Variants in PLPPR1 observed in about 807,000 individuals in gnomAD.
PLPPR1 encodes the protein phospholipid phosphatase-related protein type 1.
In PLPPR1, 10 loss-of-function variants were observed where a neutral mutation model predicts 33.1. That is an observed-to-expected ratio of 0.30 (90% CI 0.19 to 0.51). The LOEUF is 0.51. PLPPR1 is among the 20% of genes least tolerant of loss of function. PLPPR1 has a pLI of 0.97. For missense variants in PLPPR1, 304 were observed against 408.1 expected (o/e 0.74, Z 2.20); for synonymous variants, 151 against 151.0 (o/e 1.00, Z 0.00).
At chr9:101,147,601 G>A (rs878877603) in intron 1 of PLPPR1, among the ~76,000 whole-genome samples, 1 of 152,086 alleles carries the variant, frequency 6.6e-6, no homozygotes, top group Non-Finnish European at 1.5e-5. Context: ...GGAAAGAGGG[G>A]GACATATGTG....
chr9:101,324,289 T>G lies in PLPPR1; in HGVS notation c.*232T>G, dbSNP rs1454655963. The G allele has an allele frequency of 2.3e-6, 1 of 426,146 alleles. No homozygotes were observed. The highest frequency in any genetic ancestry group is 4.2e-6 in the Non-Finnish European group (1 of 238,154). 26.4% of individuals were successfully genotyped at this position (426,146 alleles called of 1,614,324 possible). Reference sequence around the variant, plus strand: ...GCCAGAATTTTAAAACCAACAAAATTTTCTTGTTCAAGCGTGCATTGAAGA... The same window carrying G: ...GCCAGAATTTTAAAACCAACAAAATGTTCTTGTTCAAGCGTGCATTGAAGA... On this transcript the variant is annotated 3_prime_UTR_variant, in exon 8 of 8. Coordinates refer to ENST00000374874, the MANE Select transcript of PLPPR1 (RefSeq NM_207299.2).
intron 1 of PLPPR1, among the ~76,000 whole-genome samples, chr9:101,061,199 C>A (rs1830343677): frequency 6.6e-6 from 1 of 151,898 alleles, no homozygotes; most frequent in African/African-American, 2.4e-5. Flanking sequence ...TTGAAGATCT[C>A]ATTTTGCCAT....
At chr9:101,181,889 CATACTT>C (rs1383754301) in intron 1 of PLPPR1, among the ~76,000 whole-genome samples, 1 of 148,902 alleles carries the variant, frequency 6.7e-6, no homozygotes, top group Non-Finnish European at 1.5e-5. Flanking sequence ...TATATACACA[CATACTT>C]ATATACACAT....
chr9:101,044,481 C>A lies in PLPPR1; in HGVS notation c.-46+15379C>A, dbSNP rs75052539. Among the ~76,000 whole-genome samples the A allele has an allele frequency of 6.2e-3, 948 of 152,198 alleles. 12 individuals carry two copies. Among genetic ancestry groups the A allele is most frequent in the African/African-American group, 0.022 (915 of 41,536 alleles). ...CTGTGCAGCTGAGAATTTTCTTAACCCCTCTGAGATTTCATTGCTTCATTT... is the reference window on the plus strand; with the variant it reads ...CTGTGCAGCTGAGAATTTTCTTAACACCTCTGAGATTTCATTGCTTCATTT... On this transcript the variant is annotated intron_variant, in intron 1 of 7. Coordinates refer to ENST00000374874, the MANE Select transcript of PLPPR1 (RefSeq NM_207299.2).
At chr9:101,196,324 G>C (rs1033390500) in intron 2 of PLPPR1, among the ~76,000 whole-genome samples, 2 of 152,174 alleles carry the variant, frequency 1.3e-5, no homozygotes, top group African/African-American at 4.8e-5. Context: ...AGTCTGTTGA[G>C]AGAGTAGCTT....
intron 1 of PLPPR1, among the ~76,000 whole-genome samples, chr9:101,111,283 A>G (rs913705048): frequency 6.6e-6 from 1 of 152,190 alleles, no homozygotes; most frequent in Non-Finnish European, 1.5e-5. Flanking sequence ...AATAAAAGCT[A>G]GGAAGATATT....
In PLPPR1 at chr9:101,106,228, A is replaced by C. The variant is rs1830967577; in HGVS notation, c.-46+77126A>C. Reference sequence around the variant, plus strand: ...GGTGCTTTTGCTCGTTAGTTGATGCAGTTTCTTCCTAGTCTCGATGGTCTT... The same window carrying C: ...GGTGCTTTTGCTCGTTAGTTGATGCCGTTTCTTCCTAGTCTCGATGGTCTT... On this transcript the variant is annotated intron_variant, in intron 1 of 7. Coordinates refer to ENST00000374874, the MANE Select transcript of PLPPR1 (RefSeq NM_207299.2). 1.4e-5 allele frequency among the ~76,000 whole-genome samples: 2 copies of C among 139,732 alleles called. 1 individual carries two copies. Among genetic ancestry groups the C allele is most frequent in the Non-Finnish European group, 3.1e-5 (2 of 64,400 alleles). The allele number at this position is 139,732 out of a possible 152,430, so 91.7% of individuals were successfully genotyped here.
intron 1 of PLPPR1, among the ~76,000 whole-genome samples, chr9:101,049,843 A>G (rs1830197229): frequency 6.6e-6 from 1 of 151,968 alleles, no homozygotes; most frequent in African/African-American, 2.4e-5. Context: ...AAAAAAGTAT[A>G]GGCCATGCGC....
intron 2 of PLPPR1, among the ~76,000 whole-genome samples, chr9:101,210,807 G>C (rs1373084730): frequency 6.6e-6 from 1 of 152,056 alleles, no homozygotes; most frequent in Non-Finnish European, 1.5e-5. Context: ...TCGCTCTGTC[G>C]CCCAGGCTGG....
At chr9:101,166,968 C>A (rs1825866703) in intron 1 of PLPPR1, among the ~76,000 whole-genome samples, 1 of 146,464 alleles carries the variant, frequency 6.8e-6, no homozygotes, top group Admixed American at 6.9e-5. Context: ...CAAGGTCTAA[C>A]AGAGCTAATT....
chr9:101,069,658 A>G (rs558271252), intron 1 of PLPPR1, among the ~76,000 whole-genome samples: 9 of 152,250 alleles, frequency 5.9e-5, no homozygotes, highest in Admixed American at 1.3e-4. Context: ...AAAGGCAGGT[A>G]TTTAAAAGTT....
intron 2 of PLPPR1, among the ~76,000 whole-genome samples, chr9:101,255,941 G>A (rs1379589073): frequency 6.6e-6 from 1 of 152,152 alleles, no homozygotes; most frequent in East Asian, 1.9e-4. Context: ...GCATCCTAGT[G>A]TCTTGGGAAT....
intron 1 of PLPPR1, among the ~76,000 whole-genome samples, chr9:101,033,573 G>C (rs1390132942): frequency 1.3e-5 from 2 of 152,150 alleles, no homozygotes; most frequent in African/African-American, 4.8e-5. Context: ...CCCCAGGAAA[G>C]AGCATAGGAA....
At chr9:101,041,529 A>T (rs1338364410) in intron 1 of PLPPR1, among the ~76,000 whole-genome samples, 1 of 152,174 alleles carries the variant, frequency 6.6e-6, no homozygotes, top group Non-Finnish European at 1.5e-5. Flanking sequence ...TGGGAAATCT[A>T]GCTATCTTGG....
At chr9:101,065,623 A>C (rs763796085) in intron 1 of PLPPR1, among the ~76,000 whole-genome samples, 3 of 152,108 alleles carry the variant, frequency 2.0e-5, no homozygotes, top group Non-Finnish European at 2.9e-5. Context: ...AAGTCTTCTC[A>C]TGAGATGGTT....
chr9:101,257,041 G>A (rs138212484), intron 2 of PLPPR1, among the ~76,000 whole-genome samples: 1 of 151,976 alleles, frequency 6.6e-6, no homozygotes, highest in Non-Finnish European at 1.5e-5. Flanking sequence ...TGCGCCATGG[G>A]TAGAAAGTGG....
intron 1 of PLPPR1, among the ~76,000 whole-genome samples, chr9:101,091,725 G>A (rs1285079819): frequency 3.3e-5 from 5 of 152,082 alleles, no homozygotes; most frequent in African/African-American, 1.2e-4. Context: ...ATTCGTCCAG[G>A]GACATCTTTG....
chr9:101,246,826 C>T (rs1827619169), intron 2 of PLPPR1, among the ~76,000 whole-genome samples: 3 of 151,988 alleles, frequency 2.0e-5, no homozygotes, highest in Non-Finnish European at 4.4e-5. Context: ...CAGAGTTAAC[C>T]AGCTATTGTC....
intron 2 of PLPPR1, among the ~76,000 whole-genome samples, chr9:101,246,682 G>A (rs1056678367): frequency 7.9e-5 from 12 of 152,018 alleles, no homozygotes; most frequent in Admixed American, 2.6e-4. Context: ...GCCCATTGCC[G>A]TAATACCAGT....
Sources: allele counts gnomAD v4.1 joint callset (sites outside exome capture counted in the v4.1 genomes callset), GRCh38; gene constraint gnomAD v4.1.1; transcripts MANE v1.5; gene names NCBI Gene and HGNC (gene_info 2026-07-23, HGNC 2026-07-21).